Variants in CPSF3 observed in about 807,000 individuals in gnomAD.
CPSF3 encodes cleavage and polyadenylation specific factor 3, also known as cleavage and polyadenylation specificity factor subunit 3.
A neutral mutation model predicts 84.1 loss-of-function variants in CPSF3; 57 were observed. The ratio of observed to expected loss-of-function variants is 0.68; its 90% CI spans 0.55 to 0.85. CPSF3 has a LOEUF of 0.85. CPSF3 is among the 40% of genes least tolerant of loss of function. The pLI is 0.00. For missense variants in CPSF3, 522 were observed against 838.8 expected (o/e 0.62, Z 4.66); for synonymous variants, 275 against 278.1 (o/e 0.99, Z 0.11).
chr2:9,435,221 C>T (rs1482799844), intron 6 of CPSF3, among the ~76,000 whole-genome samples: 1 of 152,088 alleles, frequency 6.6e-6, no homozygotes, highest in African/African-American at 2.4e-5. Flanking sequence ...GTGGACCATA[C>T]CTAGTAAGAC....
intron 1 of CPSF3, among the ~76,000 whole-genome samples, chr2:9,427,579 C>T (rs1680436140): frequency 6.6e-6 from 1 of 152,152 alleles, no homozygotes; most frequent in Non-Finnish European, 1.5e-5. Context: ...TATGGCGGCT[C>T]TCATCCACAG....
chr2:9,444,293 A>T (rs1005839519), intron 10 of CPSF3, among the ~76,000 whole-genome samples: 1 of 151,024 alleles, frequency 6.6e-6, no homozygotes, highest in Non-Finnish European at 1.5e-5. Flanking sequence ...ACACCCGGCT[A>T]ATTTTTGTAT....
Position 9,472,901 on chromosome 2 carries a change from G to T in CPSF3, c.1954-15G>T. 1 of 1,491,670 alleles carries T rather than the reference G, an allele frequency of 6.7e-7. No homozygotes were observed. Among genetic ancestry groups the T allele is most frequent in the East Asian group, 2.3e-5 (1 of 44,226 alleles). 92.4% of individuals were successfully genotyped at this position (1,491,670 alleles called of 1,614,324 possible). ...AGACTTAATTCTAACAGTCTTGTTT[G>T]TGCCTCACTTTCAGACTGTAGAATG... On this transcript the variant is annotated splice_polypyrimidine_tract_variant and intron_variant, in intron 17 of 17. Coordinates refer to ENST00000238112, the MANE Select transcript of CPSF3 (RefSeq NM_016207.4).
intron 10 of CPSF3, among the ~76,000 whole-genome samples, chr2:9,447,043 A>G (rs1465234073): frequency 6.6e-6 from 1 of 152,092 alleles, no homozygotes; most frequent in Admixed American, 6.5e-5. Flanking sequence ...TGGGTGGCTA[A>G]GGTGGGAGGA....
chr2:9,457,478 C>T (rs189806499), intron 14 of CPSF3, among the ~76,000 whole-genome samples: 201 of 152,012 alleles, frequency 1.3e-3, no homozygotes, highest in African/African-American at 4.6e-3. Flanking sequence ...AATAAAGTGA[C>T]CCAAATCTGG....
chr2:9,435,809 T>C (rs1215349533), intron 6 of CPSF3, among the ~76,000 whole-genome samples: 1 of 152,158 alleles, frequency 6.6e-6, no homozygotes, highest in African/African-American at 2.4e-5. Flanking sequence ...CTCGGCTCAC[T>C]GCAACCTCCT....
At chr2:9,440,843 C>T (rs979288452) in intron 8 of CPSF3, among the ~76,000 whole-genome samples, 177 bp downstream of exon 8, 1 of 152,164 alleles carries the variant, frequency 6.6e-6, no homozygotes, top group African/African-American at 2.4e-5. Context: ...TAGTGAGACC[C>T]TGTCTCTATC....
At chr2:9,457,141 A>G (rs1323651484) in intron 14 of CPSF3, 114 bp downstream of exon 14, 12 of 486,328 alleles carry the variant, frequency 2.5e-5, no homozygotes, top group Middle Eastern at 4.5e-4. Context: ...TATTGTTGGA[A>G]AGTATATGTG....
In CPSF3 at chr2:9,455,649, T is replaced by G; in HGVS notation, c.1505-10T>G. 1.9e-6 allele frequency: 3 copies of G among 1,600,334 alleles called. No individual in the cohort carries two copies. Among genetic ancestry groups the G allele is most frequent in the Non-Finnish European group, 2.6e-6 (3 of 1,169,084 alleles). Reference sequence around the variant, plus strand: ...GTATTTCTTCAAGTCTCTTCTCATTTTCTCTTCAGATTATACTGACCTGGC... The same window carrying G: ...GTATTTCTTCAAGTCTCTTCTCATTGTCTCTTCAGATTATACTGACCTGGC... On this transcript the variant is annotated splice_polypyrimidine_tract_variant and intron_variant, in intron 12 of 17. Transcript: ENST00000238112.
At position 9,471,325 on chromosome 2, in the gene CPSF3, A is replaced by C. The variant is rs761157806; in HGVS notation, c.1857-18A>C. On this transcript the variant is annotated intron_variant, in intron 16 of 17. Transcript: ENST00000238112. ...AGCCGGGCATTTTCACTAATCCTGC[A>C]TTTCTGCTTATTTTCAGGGACATAT... 6.7e-7 allele frequency: 1 copy of C among 1,487,046 alleles called. No individual in the cohort carries two copies. The highest frequency in any genetic ancestry group is 9.4e-7 in the Non-Finnish European group (1 of 1,064,844). 92.1% of individuals were successfully genotyped at this position (1,487,046 alleles called of 1,614,324 possible).
chr2:9,439,898 G>A (rs1051882555), intron 7 of CPSF3, among the ~76,000 whole-genome samples: 1 of 152,098 alleles, frequency 6.6e-6, no homozygotes, highest in East Asian at 1.9e-4. Context: ...AGGATCACTT[G>A]AACCTGAGAG....
At chr2:9,428,091 G>T (rs1452113194) in intron 1 of CPSF3, among the ~76,000 whole-genome samples, 23 of 151,714 alleles carry the variant, frequency 1.5e-4, no homozygotes, top group Admixed American at 1.4e-3. Flanking sequence ...CCGCCTCCTG[G>T]GTTCACACCA....
chr2:9,436,839 A>G (rs1174333415), intron 7 of CPSF3, among the ~76,000 whole-genome samples: 2 of 151,240 alleles, frequency 1.3e-5, no homozygotes, highest in Non-Finnish European at 3.0e-5. Flanking sequence ...AGCAACTCTC[A>G]TGCACTGCTG....
chr2:9,473,084 A>G lies in CPSF3; in HGVS notation c.*67A>G. 1 of 1,143,132 alleles carries G rather than the reference A, an allele frequency of 8.7e-7. No homozygotes were observed. The highest frequency in any genetic ancestry group is 1.3e-6 in the Non-Finnish European group (1 of 777,090). The allele number at this position is 1,143,132 out of a possible 1,614,324, so 70.8% of individuals were successfully genotyped here. On this transcript the variant is annotated 3_prime_UTR_variant, in exon 18 of 18. Transcript: ENST00000238112. Reference sequence around the variant, plus strand: ...ACTTTTGTTACCTAAAATAAAATGCATTCGTTTCTCTGGGGGAGCCTGTTT... The same window carrying G: ...ACTTTTGTTACCTAAAATAAAATGCGTTCGTTTCTCTGGGGGAGCCTGTTT...
At chr2:9,434,472 CCTCTGGGCAGGATCAGCAGGCTGT>C (rs1431909272) in intron 6 of CPSF3, among the ~76,000 whole-genome samples, 29 of 152,256 alleles carry the variant, frequency 1.9e-4, no homozygotes, top group African/African-American at 6.3e-4. Flanking sequence ...TGCCAGGCTG[CCTCTGGGCAGGATCAGCAGGCTGT>C]CTCTGGGCAG....
intron 14 of CPSF3, 118 bp downstream of exon 14, chr2:9,457,145 A>ATC: frequency 4.2e-6 from 2 of 475,232 alleles, no homozygotes; most frequent in Non-Finnish European, 3.7e-6. Context: ...GTTGGAAAGT[A>ATC]TATGTGTGTG....
intron 3 of CPSF3, 116 bp downstream of exon 3, chr2:9,430,136 A>G (rs1680530141): frequency 3.2e-6 from 2 of 623,414 alleles, no homozygotes; most frequent in Non-Finnish European, 5.5e-6. Flanking sequence ...TAGGAAGCAT[A>G]TTGCAGACAT....
chr2:9,470,938 G>T (rs1042780199), intron 16 of CPSF3, among the ~76,000 whole-genome samples: 4 of 152,204 alleles, frequency 2.6e-5, no homozygotes, highest in Non-Finnish European at 2.9e-5. Flanking sequence ...TACAGGCTGG[G>T]CATGGTGACT....
chr2:9,466,180 GCACACACACACGCGC>G (rs1558465867), intron 15 of CPSF3, among the ~76,000 whole-genome samples: 3 of 150,208 alleles, frequency 2.0e-5, no homozygotes, highest in African/African-American at 7.4e-5. Flanking sequence ...GTCTCTACAC[GCACACACACACGCGC>G]TCACACACAC....
Sources: gnomAD v4.1 joint callset for allele counts (sites outside exome capture counted in the v4.1 genomes callset) on GRCh38, gnomAD v4.1.1 for gene constraint, MANE v1.5 for transcripts, NCBI Gene and HGNC (gene_info 2026-07-23, HGNC 2026-07-21) for gene names.